The following XPR1 variants were observed in gnomAD, a reference collection of about 807,000 sequenced individuals.
The protein encoded by XPR1 is solute carrier family 53 member 1.
In XPR1, 28 loss-of-function variants were observed where a neutral mutation model predicts 87.5. That is an observed-to-expected ratio of 0.32 (90% CI 0.24 to 0.44). XPR1 has a LOEUF of 0.44. Ranked by LOEUF, XPR1 falls within the 20% of genes least tolerant of loss-of-function variation. XPR1 has a pLI of 1.00. For missense variants in XPR1, 559 were observed against 862.3 expected (o/e 0.65, Z 4.41); for synonymous variants, 300 against 306.1 (o/e 0.98, Z 0.21).
At chr1:180,800,376 T>C (rs1649734502) in intron 3 of XPR1, among the ~76,000 whole-genome samples, 1 of 152,160 alleles carries the variant, frequency 6.6e-6, no homozygotes, top group Admixed American at 6.5e-5. Flanking sequence ...ATTGCTGACT[T>C]TGAAGATAGG....
chr1:180,774,545 C>T (rs1328371458), intron 2 of XPR1, among the ~76,000 whole-genome samples: 1 of 151,900 alleles, frequency 6.6e-6, no homozygotes, highest in Non-Finnish European at 1.5e-5. Flanking sequence ...CACCCGCCAC[C>T]ATGCCCAGCT....
At chr1:180,821,031 T>C (rs1434868632) in intron 7 of XPR1, among the ~76,000 whole-genome samples, 2 of 152,062 alleles carry the variant, frequency 1.3e-5, no homozygotes, top group Non-Finnish European at 2.9e-5. Flanking sequence ...TTCTTGATAA[T>C]GTCTACTGAT....
chr1:180,637,806 A>T (rs1654834996), intron 1 of XPR1, among the ~76,000 whole-genome samples: 3 of 152,152 alleles, frequency 2.0e-5, no homozygotes, highest in Admixed American at 2.0e-4. Context: ...CGCCTGCCTC[A>T]GCCTCCCAAA....
At chr1:180,632,401 C>A in intron 1 of XPR1, 131 bp downstream of exon 1, 2 of 1,218,684 alleles carry the variant, frequency 1.6e-6, no homozygotes, top group South Asian at 2.6e-5. Flanking sequence ...CCGCGGGGAG[C>A]CACTGCGGCA....
At chr1:180,654,002 G>C (rs912799504) in intron 1 of XPR1, among the ~76,000 whole-genome samples, 2 of 152,234 alleles carry the variant, frequency 1.3e-5, no homozygotes, top group East Asian at 3.9e-4. Context: ...TCGGATAAGG[G>C]GGTACTACTG....
intron 2 of XPR1, among the ~76,000 whole-genome samples, chr1:180,687,365 C>T (rs923733961): frequency 6.6e-6 from 1 of 152,110 alleles, no homozygotes; most frequent in Non-Finnish European, 1.5e-5. Context: ...CCTTTTCTTT[C>T]ATTATCCAGA....
chr1:180,663,437 C>T (rs1655845003), intron 1 of XPR1, among the ~76,000 whole-genome samples: 1 of 152,186 alleles, frequency 6.6e-6, no homozygotes, highest in Admixed American at 6.5e-5. Flanking sequence ...CAGAAGAATT[C>T]TCTGGATTGT....
At chr1:180,841,562 A>T (rs1407826233) in intron 11 of XPR1, among the ~76,000 whole-genome samples, 1 of 152,176 alleles carries the variant, frequency 6.6e-6, no homozygotes, top group Non-Finnish European at 1.5e-5. Context: ...GAGCTGCTAT[A>T]TGTGTGTCTT....
intron 2 of XPR1, among the ~76,000 whole-genome samples, chr1:180,684,117 T>G (rs1468076295): frequency 3.3e-5 from 5 of 152,270 alleles, no homozygotes; most frequent in African/African-American, 1.2e-4. Flanking sequence ...ATTTAAGTCT[T>G]TAATCCATCT....
intron 6 of XPR1, 142 bp from the exon 7 acceptor site, chr1:180,811,265 G>A (rs1650202402): frequency 1.4e-6 from 1 of 697,406 alleles, no homozygotes; most frequent in Non-Finnish European, 2.4e-6. Flanking sequence ...TTGATTCTCT[G>A]GTTCAGATTT....
chr1:180,707,978 A>G (rs1467384335), intron 2 of XPR1, among the ~76,000 whole-genome samples: 1 of 152,206 alleles, frequency 6.6e-6, no homozygotes, highest in Non-Finnish European at 1.5e-5. Flanking sequence ...GAGGTCTTTT[A>G]GAACGCCTAG....
intron 1 of XPR1, among the ~76,000 whole-genome samples, chr1:180,651,124 A>G (rs1029903985): frequency 7.0e-6 from 1 of 143,188 alleles, no homozygotes; most frequent in Admixed American, 6.9e-5. Context: ...TTTTTTTTTG[A>G]GACCGAGTTT....
intron 11 of XPR1, among the ~76,000 whole-genome samples, chr1:180,848,466 A>G (rs1040126727): frequency 6.6e-6 from 1 of 152,112 alleles, no homozygotes; most frequent in Non-Finnish European, 1.5e-5. Context: ...CTCCAGTTCC[A>G]TCTGTTTTGC....
At chr1:180,642,554 A>C (rs1654994297) in intron 1 of XPR1, among the ~76,000 whole-genome samples, 1 of 152,104 alleles carries the variant, frequency 6.6e-6, no homozygotes, top group Non-Finnish European at 1.5e-5. Context: ...CATTATAAGA[A>C]GATACTGAGT....
At chr1:180,676,061 G>T (rs1365819389) in intron 1 of XPR1, among the ~76,000 whole-genome samples, 2 of 152,138 alleles carry the variant, frequency 1.3e-5, no homozygotes, top group Non-Finnish European at 2.9e-5. Context: ...TCAGAATGAA[G>T]ACTCGTCATT....
chr1:180,682,255 C>A, intron 1 of XPR1, 105 bp from the exon 2 acceptor site: 4 of 742,142 alleles, frequency 5.4e-6, no homozygotes, highest in Non-Finnish European at 8.4e-6. Context: ...ATTTAGGGAG[C>A]TATGAGTGGT....
chr1:180,682,340 T>C lies in XPR1; in HGVS notation c.70-20T>C. ...AGCTTACTCATGATTTCATATATTG[T>C]TTTTCTTTCTTTCTAATAGGCTTTC... On this transcript the variant is annotated intron_variant, in intron 1 of 14. Transcript: ENST00000367590. 6.4e-7 allele frequency: 1 copy of C among 1,566,842 alleles called. No homozygotes were observed. The highest frequency in any genetic ancestry group is 1.4e-5 in the African/African-American group (1 of 73,324).
intron 1 of XPR1, among the ~76,000 whole-genome samples, chr1:180,679,602 G>C (rs537648832): frequency 6.6e-6 from 1 of 152,270 alleles, no homozygotes; most frequent in South Asian, 2.1e-4. Flanking sequence ...TAGATACAGA[G>C]AACTATTTCT....
chr1:180,706,557 T>C (rs911777666), intron 2 of XPR1, among the ~76,000 whole-genome samples: 1 of 152,226 alleles, frequency 6.6e-6, no homozygotes, highest in Non-Finnish European at 1.5e-5. Flanking sequence ...ACCATTTTGA[T>C]TGCATTTAGT....
Sources: allele counts gnomAD v4.1 joint callset (sites outside exome capture counted in the v4.1 genomes callset), GRCh38; gene constraint gnomAD v4.1.1; transcripts MANE v1.5; gene names NCBI Gene and HGNC (gene_info 2026-07-23, HGNC 2026-07-21).